The following MEGF10 variants were observed in gnomAD, a reference collection of about 807,000 sequenced individuals.
The protein encoded by MEGF10 is multiple epidermal growth factor-like domains protein 10.
Under a neutral mutation model 147.5 loss-of-function variants are expected in MEGF10, and 86 were observed. The ratio of observed to expected loss-of-function variants is 0.58; its 90% CI spans 0.49 to 0.70. The LOEUF (loss-of-function observed/expected upper bound fraction) is 0.70, where lower values mean the gene tolerates loss of function less well. Ranked by LOEUF, MEGF10 falls within the 30% of genes least tolerant of loss-of-function variation. The probability of loss-of-function intolerance (pLI) is 0.00; values close to 1 mark genes in which losing one functional copy is unlikely to be tolerated. For synonymous variants in MEGF10, 478 were observed against 525.5 expected (o/e 0.91, Z 1.24); for missense variants, 1,329 against 1,487.3 (o/e 0.89, Z 1.75).
chr5:127,360,628 T>G (rs945670897), intron 4 of MEGF10, among the ~76,000 whole-genome samples: 4 of 151,916 alleles, frequency 2.6e-5, no homozygotes, highest in African/African-American at 9.7e-5. Flanking sequence ...ATATTTGCCC[T>G]TTATCAGGTT....
At chr5:127,280,108 G>A in the MEGF10 span, among the ~76,000 whole-genome samples, 15 of 152,126 alleles carry the variant, frequency 9.9e-5, no homozygotes, top group South Asian at 1.5e-3. Context: ...AATTATTGTC[G>A]TACTTGTGAA....
At chr5:127,397,973 C>G (rs1052031969) in intron 6 of MEGF10, among the ~76,000 whole-genome samples, 1 of 151,720 alleles carries the variant, frequency 6.6e-6, no homozygotes, top group Non-Finnish European at 1.5e-5. Context: ...GAACAGAAAA[C>G]CAAACACCGC....
chr5:127,428,249 T>C (rs1394570973), intron 13 of MEGF10, among the ~76,000 whole-genome samples: 1 of 151,096 alleles, frequency 6.6e-6, no homozygotes, highest in Non-Finnish European at 1.5e-5. Flanking sequence ...ATAAAGCAGA[T>C]TCTTTTTTAC....
Position 127,420,116 on chromosome 5 carries a change from A to G in MEGF10, c.1499A>G (p.Gln500Arg). The G allele has an allele frequency of 6.2e-7, 1 of 1,614,194 alleles. No homozygotes were observed. The highest frequency in any genetic ancestry group is 8.5e-7 in the Non-Finnish European group (1 of 1,180,034). ...TWGFGCNLTC[Q>R]CLNGGACNTL... ...GGCTTTGGCTGTAACTTAACATGCC[A>G]GTGCCTCAACGGGGGAGCCTGCAAC... The change falls in exon 12 of 25, where the codon CAG becomes CGG. Residue 500 changes from glutamine (Q) to arginine (R), a missense_variant. This residue lies in a region of MEGF10 where 980 missense variants were observed against 1,085.9 expected (regional missense o/e 0.90). Coordinates refer to ENST00000503335, the MANE Select transcript of MEGF10 (RefSeq NM_001256545.2).
intron 4 of MEGF10, among the ~76,000 whole-genome samples, chr5:127,354,561 G>A (rs763575769): frequency 6.6e-6 from 1 of 152,282 alleles, no homozygotes; most frequent in Non-Finnish European, 1.5e-5. Context: ...CCACGGGATT[G>A]GAGTGGCAGT....
chr5:127,321,037 C>G (rs780207988), intron 1 of MEGF10, among the ~76,000 whole-genome samples: 1 of 152,164 alleles, frequency 6.6e-6, no homozygotes, highest in Non-Finnish European at 1.5e-5. Context: ...TTCCAAGAAG[C>G]GTTTATTGCT....
At chr5:127,239,869 A>T in the MEGF10 span, among the ~76,000 whole-genome samples, 1 of 152,144 alleles carries the variant, frequency 6.6e-6, no homozygotes, top group African/African-American at 2.4e-5. Flanking sequence ...GCCATGACAG[A>T]TGACTTCTCT....
chr5:127,294,123 C>T (rs906520195), intron 1 of MEGF10, among the ~76,000 whole-genome samples: 1 of 152,222 alleles, frequency 6.6e-6, no homozygotes, highest in Non-Finnish European at 1.5e-5. Flanking sequence ...AGACACTATT[C>T]AAATCCCTTT....
In MEGF10 at chr5:127,445,706, G is replaced by A. The variant is rs1765920352; in HGVS notation, c.2728+13G>A. On this transcript the variant is annotated intron_variant, in intron 20 of 24. Transcript: ENST00000503335. ...TATACCATTTCAGGTAAGAGCAGAG[G>A]CAGGAGAGGCATTTTGCTTCTTGAA... 1 of 1,590,660 alleles carries A rather than the reference G, an allele frequency of 6.3e-7. No individual in the cohort carries two copies. The highest frequency in any genetic ancestry group is 1.3e-5 in the African/African-American group (1 of 74,410).
intron 9 of MEGF10, among the ~76,000 whole-genome samples, chr5:127,415,952 G>A (rs540590914): frequency 6.6e-6 from 1 of 151,496 alleles, no homozygotes; most frequent in Non-Finnish European, 1.5e-5. Flanking sequence ...GACTGATGGT[G>A]CTATTTATGG....
intron 4 of MEGF10, among the ~76,000 whole-genome samples, chr5:127,362,566 G>A (rs1762515962): frequency 1.3e-5 from 2 of 151,664 alleles, no homozygotes; most frequent in Non-Finnish European, 2.9e-5. Flanking sequence ...AGGTTTCACC[G>A]TGTTTGCCAG....
At chr5:127,420,814 A>G (rs181411988) in intron 12 of MEGF10, among the ~76,000 whole-genome samples, 1 of 152,164 alleles carries the variant, frequency 6.6e-6, no homozygotes, top group Non-Finnish European at 1.5e-5. Flanking sequence ...CGGGAAGTGC[A>G]TTCTGGAGTA....
intron 5 of MEGF10, among the ~76,000 whole-genome samples, chr5:127,372,929 G>C (rs1341279685): frequency 6.6e-6 from 1 of 152,150 alleles, no homozygotes; most frequent in African/African-American, 2.4e-5. Context: ...AGCCTTCAGG[G>C]ATGAAGGGCA....
chr5:127,444,480 C>A (rs558253283), intron 19 of MEGF10: 1 of 152,304 alleles, frequency 6.6e-6, no homozygotes, highest in African/African-American at 2.4e-5. Flanking sequence ...ATCATAAAAT[C>A]ATAGGAACAT....
Position 127,364,826 on chromosome 5 carries a change from C to T in MEGF10, c.320-5084C>T, listed in dbSNP as rs150097997. ...CATGGTATCTGACCCAGAACACCCT[C>T]TATCATCCTTTTCACCCCTACTCCC... On this transcript the variant is annotated intron_variant, in intron 4 of 24. Transcript: ENST00000503335. Among the ~76,000 whole-genome samples, 89 of 152,294 alleles carry T rather than the reference C, an allele frequency of 5.8e-4. 2 individuals carry two copies. The East Asian group carries it at 0.016, about 27-fold the overall frequency.
chr5:127,309,947 C>CTCTTTCTTTCCTTCTTTCTT (rs1554088996), intron 1 of MEGF10, among the ~76,000 whole-genome samples: 1 of 90,396 alleles, frequency 1.1e-5, no homozygotes, highest in Admixed American at 1.1e-4. Flanking sequence ...TCCTTGCCAA[C>CTCTTTCTTTCCTTCTTTCTT]TCTTTCTTTC....
At chr5:127,454,254 G>T (rs1250497568) in intron 22 of MEGF10, among the ~76,000 whole-genome samples, 1 of 152,196 alleles carries the variant, frequency 6.6e-6, no homozygotes, top group African/African-American at 2.4e-5. Flanking sequence ...TCTGGTCTTG[G>T]CTGTATCCTT....
intron 4 of MEGF10, among the ~76,000 whole-genome samples, chr5:127,365,218 C>A (rs1437619782): frequency 6.6e-6 from 1 of 152,124 alleles, no homozygotes; most frequent in East Asian, 1.9e-4. Flanking sequence ...AAAACATTTT[C>A]CATATTAATT....
intron 1 of MEGF10, among the ~76,000 whole-genome samples, chr5:127,328,443 A>T (rs1761127791): frequency 6.6e-6 from 1 of 152,214 alleles, no homozygotes; most frequent in Admixed American, 6.5e-5. Context: ...TTTTCAATGC[A>T]GTTTGATATT....
Sources: gnomAD v4.1 joint callset for allele counts (sites outside exome capture counted in the v4.1 genomes callset) on GRCh38, gnomAD v4.1.1 for gene constraint, gnomAD v4.1.1 regional missense constraint, MANE v1.5 for transcripts, NCBI Gene and HGNC (gene_info 2026-07-23, HGNC 2026-07-21) for gene names.